The following ITPR2 variants were observed in gnomAD, a reference collection of about 807,000 sequenced individuals.
The protein encoded by ITPR2 is inositol 1,4,5-trisphosphate receptor type 2.
ITPR2 carries 207 observed loss-of-function variants against 317.1 expected under a neutral mutation model. That is an observed-to-expected ratio of 0.65 (90% CI 0.58 to 0.73). The LOEUF is 0.73. Among genes scored for constraint, ITPR2 ranks in the 30% least tolerant of loss-of-function variants. The pLI is 0.00. For synonymous variants in ITPR2, 1,156 were observed against 1,149.1 expected, an observed-to-expected ratio of 1.01 and a Z score of -0.12; for missense variants, 2,613 against 3,284.0, an observed-to-expected ratio of 0.80 and a Z score of 4.99.
chr12:26,447,195 T>C (rs905135790), intron 45 of ITPR2, among the ~76,000 whole-genome samples: 1 of 138,052 alleles, frequency 7.2e-6, no homozygotes, highest in Non-Finnish European at 1.5e-5. Flanking sequence ...GTTAATAACA[T>C]ATATTTATGC....
chr12:26,705,558 T>G (rs1948535470), intron 9 of ITPR2, among the ~76,000 whole-genome samples: 1 of 152,152 alleles, frequency 6.6e-6, no homozygotes, highest in Non-Finnish European at 1.5e-5. Context: ...CTAACACTGG[T>G]CAATCCCCAA....
intron 2 of ITPR2, among the ~76,000 whole-genome samples, chr12:26,785,331 G>T (rs1274865884): frequency 2.8e-5 from 1 of 35,794 alleles, no homozygotes; most frequent in African/African-American, 6.6e-5. Flanking sequence ...CCGGCCAGCC[G>T]CCCCGTCCGG....
chr12:26,447,055 A>G (rs913306664), intron 45 of ITPR2, among the ~76,000 whole-genome samples: 2 of 152,056 alleles, frequency 1.3e-5, no homozygotes, highest in African/African-American at 4.8e-5. Flanking sequence ...ATTTCTCTCC[A>G]GTGGTCTGTG....
intron 9 of ITPR2, among the ~76,000 whole-genome samples, chr12:26,704,690 A>T (rs554723308): frequency 6.6e-6 from 1 of 152,188 alleles, no homozygotes; most frequent in African/African-American, 2.4e-5. Context: ...CATACCTCTC[A>T]TGTACAAGGT....
At chr12:26,462,124 A>G (rs1942048767) in intron 45 of ITPR2, among the ~76,000 whole-genome samples, 1 of 147,810 alleles carries the variant, frequency 6.8e-6, no homozygotes, top group Non-Finnish European at 1.5e-5. Context: ...ACATACCTAC[A>G]TGATTCCATG....
intron 37 of ITPR2, among the ~76,000 whole-genome samples, chr12:26,544,815 G>A (rs529140638): frequency 3.9e-5 from 6 of 152,090 alleles, no homozygotes; most frequent in African/African-American, 9.6e-5. Context: ...ATACACAGTC[G>A]AAATCCAGCT....
At chr12:26,514,425 T>C (rs1442323062) in intron 37 of ITPR2, among the ~76,000 whole-genome samples, 2 of 152,270 alleles carry the variant, frequency 1.3e-5, no homozygotes, top group African/African-American at 2.4e-5. Flanking sequence ...AAAGATATTC[T>C]GCTGTATCAG....
chr12:26,396,440 G>T (rs986570049), intron 54 of ITPR2, among the ~76,000 whole-genome samples: 1 of 152,030 alleles, frequency 6.6e-6, no homozygotes, highest in Non-Finnish European at 1.5e-5. Context: ...AGTTGATAAC[G>T]AATTCATTTC....
rs1012377055 is a variant in ITPR2 at position 26,419,476 on chromosome 12, C to A, written c.6946-263G>T. 1.7e-5 allele frequency: 5 copies of A among 301,158 alleles called. No homozygotes were observed. In the South Asian group the frequency reaches 2.3e-4, roughly 14 times the overall value. The allele number at this position is 301,158 out of a possible 1,614,324, so 18.7% of individuals were successfully genotyped here. A position where few individuals can be genotyped will look rare whatever the true frequency, so the allele number is the denominator to read the frequency against. ...GCAAAACTTGCATCCTTTGCAGTTC[C>A]AGGAAGAGAGAGAATGGTAAGAGAC... is the stretch of plus-strand genomic sequence containing the variant. On this transcript the variant is annotated intron_variant, in intron 49 of 56. Transcript: ENST00000381340.
chr12:26,422,655 C>T (rs2136692423), intron 49 of ITPR2, among the ~76,000 whole-genome samples: 1 of 152,264 alleles, frequency 6.6e-6, no homozygotes, highest in Admixed American at 6.5e-5. Flanking sequence ...TGATCACAGA[C>T]ATTTATAGCT....
At chr12:26,452,161 T>C (rs571167059) in intron 45 of ITPR2, among the ~76,000 whole-genome samples, 1 of 152,248 alleles carries the variant, frequency 6.6e-6, no homozygotes, top group South Asian at 2.1e-4. Flanking sequence ...ATTTCAATCC[T>C]GCCAACATTT....
chr12:26,494,771 G>GAAAAAAAA (rs71069245), intron 38 of ITPR2, among the ~76,000 whole-genome samples: 5 of 50,352 alleles, frequency 9.9e-5, no homozygotes, highest in Non-Finnish European at 1.2e-4. Context: ...CTCTGCCTCA[G>GAAAAAAAA]AAAAAAAAAA....
At chr12:26,722,909 C>T (rs1948860832) in intron 4 of ITPR2, among the ~76,000 whole-genome samples, 1 of 152,116 alleles carries the variant, frequency 6.6e-6, no homozygotes, top group Non-Finnish European at 1.5e-5. Context: ...CCTGCATAGC[C>T]ACAAAAACAG....
intron 11 of ITPR2, among the ~76,000 whole-genome samples, chr12:26,683,623 G>A (rs74849908): frequency 0.028 from 4,215 of 152,174 alleles, 185 homozygotes; most frequent in African/African-American, 0.096. Context: ...CTATGTATTC[G>A]TCAACAAAAA....
intron 52 of ITPR2, among the ~76,000 whole-genome samples, chr12:26,408,238 A>C (rs951791079): frequency 1.3e-5 from 2 of 152,244 alleles, no homozygotes; most frequent in East Asian, 3.8e-4. Context: ...GTAGAGGCTC[A>C]ACAAATATAA....
At chr12:26,472,403 C>A (rs1942311797) in intron 45 of ITPR2, among the ~76,000 whole-genome samples, 1 of 152,024 alleles carries the variant, frequency 6.6e-6, no homozygotes, top group African/African-American at 2.4e-5. Flanking sequence ...TCTCTCTTCT[C>A]GAGTCTGCCT....
At chr12:26,522,168 G>A (rs955437698) in intron 37 of ITPR2, among the ~76,000 whole-genome samples, 2 of 152,062 alleles carry the variant, frequency 1.3e-5, no homozygotes, top group South Asian at 4.2e-4. Context: ...ATAAATACTC[G>A]AAACTTTCAG....
intron 55 of ITPR2, among the ~76,000 whole-genome samples, chr12:26,382,926 A>G (rs1360155266): frequency 3.3e-5 from 5 of 152,216 alleles, no homozygotes; most frequent in Non-Finnish European, 5.9e-5. Flanking sequence ...TTACAAATGA[A>G]GAAACTGAGG....
intron 37 of ITPR2, among the ~76,000 whole-genome samples, chr12:26,510,992 T>C (rs1337848317): frequency 6.6e-6 from 1 of 152,250 alleles, no homozygotes; most frequent in East Asian, 1.9e-4. Context: ...ACATTAAGTA[T>C]ATCTCTGCTC....
Sources: allele counts gnomAD v4.1 joint callset (sites outside exome capture counted in the v4.1 genomes callset), GRCh38; gene constraint gnomAD v4.1.1; transcripts MANE v1.5; gene names NCBI Gene and HGNC (gene_info 2026-07-23, HGNC 2026-07-21).